The following FNBP1 variants were observed in gnomAD, a reference collection of about 807,000 sequenced individuals.
FNBP1 encodes the protein formin binding protein 1.
A neutral mutation model predicts 90.6 loss-of-function variants in FNBP1; 26 were observed. That is an observed-to-expected ratio of 0.29 (90% CI 0.21 to 0.40). The LOEUF is 0.40. Among genes scored for constraint, FNBP1 ranks in the 10% least tolerant of loss-of-function variants. The probability of loss-of-function intolerance (pLI) is 1.00; values close to 1 mark genes in which losing one functional copy is unlikely to be tolerated. For missense variants in FNBP1, 635 were observed against 768.0 expected, an observed-to-expected ratio of 0.83 and a Z score of 2.05; for synonymous variants, 260 against 265.2, an observed-to-expected ratio of 0.98 and a Z score of 0.19.
chr9:130,016,632 A>T (rs1014340415), intron 1 of FNBP1, among the ~76,000 whole-genome samples: 7 of 152,084 alleles, frequency 4.6e-5, no homozygotes, highest in African/African-American at 1.7e-4. Context: ...AATTAGAGCT[A>T]CTCAGGAGGC....
At chr9:129,933,241 A>G (rs866595277) in intron 6 of FNBP1, among the ~76,000 whole-genome samples, 4 of 152,158 alleles carry the variant, frequency 2.6e-5, no homozygotes, top group Admixed American at 6.5e-5. Flanking sequence ...ACACATACAC[A>G]CACACACAAC....
chr9:130,012,339 T>TG (rs2056718121), intron 1 of FNBP1, among the ~76,000 whole-genome samples: 1 of 152,178 alleles, frequency 6.6e-6, no homozygotes, highest in Non-Finnish European at 1.5e-5. Flanking sequence ...ATGCTTAGCA[T>TG]ATGCCTGGCA....
chr9:129,953,589 T>C (rs990538921), intron 6 of FNBP1, among the ~76,000 whole-genome samples: 7 of 152,068 alleles, frequency 4.6e-5, no homozygotes, highest in South Asian at 2.1e-4. Context: ...AAATTGATCA[T>C]AGGTGAGAGA....
intron 12 of FNBP1, 25 bp from the exon 13 acceptor site, chr9:129,903,026 C>T: frequency 6.4e-7 from 1 of 1,551,192 alleles, no homozygotes; most frequent in Non-Finnish European, 8.7e-7. Flanking sequence ...GAGTAGAATG[C>T]TGTAAAGGTT....
chr9:129,922,259 A>C (rs1368875874), intron 10 of FNBP1, among the ~76,000 whole-genome samples: 1 of 152,250 alleles, frequency 6.6e-6, no homozygotes, highest in Admixed American at 6.5e-5. Context: ...CTTTCTCTGT[A>C]AACGAAACTG....
rs756342214 is a variant in FNBP1 at position 129,914,757 on chromosome 9, C to CTATATATATA, written c.1185+1199_1185+1208dup. ...AAATTATGTATATACATACATATGTCTATATATATATATATATATATATAT... is the reference window on the plus strand; with the variant it reads ...AAATTATGTATATACATACATATGTCTATATATATATATATATATATATATATATATATAT... On this transcript the variant is annotated intron_variant, in intron 11 of 16. Transcript: ENST00000446176. 9.4e-4 allele frequency among the ~76,000 whole-genome samples: 103 copies of CTATATATATA among 109,950 alleles called. 1 individual carries two copies. The highest frequency in any genetic ancestry group is 5.1e-3 in the South Asian group (18 of 3,526). The allele number at this position is 109,950 out of a possible 152,430, so 72.1% of individuals were successfully genotyped here.
chr9:130,025,621 G>C (rs1239270805), intron 1 of FNBP1, among the ~76,000 whole-genome samples: 1 of 152,116 alleles, frequency 6.6e-6, no homozygotes, highest in Non-Finnish European at 1.5e-5. Flanking sequence ...TCTCGACATG[G>C]AATTCAAGAT....
intron 1 of FNBP1, among the ~76,000 whole-genome samples, chr9:130,019,555 A>T (rs2057600938): frequency 6.6e-6 from 1 of 152,210 alleles, no homozygotes; most frequent in African/African-American, 2.4e-5. Flanking sequence ...AAAGCAGATC[A>T]TCATGACTGC....
chr9:129,977,704 C>T (rs1397803444), intron 4 of FNBP1, among the ~76,000 whole-genome samples: 1 of 149,966 alleles, frequency 6.7e-6, no homozygotes, highest in Non-Finnish European at 1.5e-5. Flanking sequence ...GTTGACCAGC[C>T]TGATCGCGAA....
At position 129,900,243 on chromosome 9, in the gene FNBP1, C is replaced by G. The variant is rs2036648929; in HGVS notation, c.1551-142G>C. ...TGAGGCCATGGTAAATCATCGCACG[C>G]TCAGATCACCCATCCCATGTGGAAT... On this transcript the variant is annotated intron_variant, in intron 14 of 16. Coordinates refer to ENST00000446176, the MANE Select transcript of FNBP1 (RefSeq NM_015033.3). This position sits in a 1 kb window ranked among gnomAD's most constrained non-coding sequence, Gnocchi z 4.1. 3 of 1,130,332 alleles carry G rather than the reference C, an allele frequency of 2.7e-6. No individual in the cohort carries two copies. In the South Asian group the frequency reaches 5.4e-5, roughly 20 times the overall value. 70.0% of individuals were successfully genotyped at this position (1,130,332 alleles called of 1,614,324 possible).
intron 4 of FNBP1, among the ~76,000 whole-genome samples, chr9:129,975,943 G>C (rs2050245767): frequency 6.9e-6 from 1 of 145,618 alleles, no homozygotes; most frequent in South Asian, 2.2e-4. Flanking sequence ...ACAAAGCATT[G>C]ACAAAAGAAA....
At chr9:129,981,629 G>A (rs1187811543) in intron 2 of FNBP1, among the ~76,000 whole-genome samples, 4 of 151,904 alleles carry the variant, frequency 2.6e-5, no homozygotes, top group South Asian at 4.1e-4. Context: ...ACTAGATGAC[G>A]GGAGAGGCCA....
At chr9:129,989,041 A>G (rs899778220) in intron 2 of FNBP1, among the ~76,000 whole-genome samples, 4 of 152,110 alleles carry the variant, frequency 2.6e-5, no homozygotes, top group African/African-American at 9.7e-5. Flanking sequence ...TTCCTTCTAC[A>G]TGTTCCCGTC....
intron 4 of FNBP1, among the ~76,000 whole-genome samples, chr9:129,974,336 C>G (rs576818399): frequency 6.6e-6 from 1 of 152,090 alleles, no homozygotes; most frequent in East Asian, 1.9e-4. Flanking sequence ...GGGTCCATAT[C>G]TTGGGTAAAA....
chr9:129,929,409 C>CA (rs11290487), intron 7 of FNBP1, among the ~76,000 whole-genome samples, 158 bp downstream of exon 7: 26 of 61,188 alleles, frequency 4.2e-4, no homozygotes, highest in Non-Finnish European at 4.9e-4. Flanking sequence ...GACTCTGTCT[C>CA]AAAAAAAAAA....
intron 1 of FNBP1, among the ~76,000 whole-genome samples, chr9:130,010,391 T>G (rs989278021): frequency 6.6e-6 from 1 of 152,192 alleles, no homozygotes; most frequent in African/African-American, 2.4e-5. Context: ...AAACACGTAC[T>G]GAGAAAGGTT....
intron 6 of FNBP1, among the ~76,000 whole-genome samples, chr9:129,945,390 AT>A (rs1175867280): frequency 2.6e-5 from 4 of 152,212 alleles, no homozygotes; most frequent in African/African-American, 4.8e-5. Flanking sequence ...TTAAAAAAAA[AT>A]GTTCTCTAAA....
intron 1 of FNBP1, among the ~76,000 whole-genome samples, chr9:130,024,079 T>G (rs1237238456): frequency 6.6e-6 from 1 of 151,954 alleles, no homozygotes; most frequent in East Asian, 1.9e-4. Context: ...GTGAGCTGGG[T>G]GGGGTCCATA....
At chr9:129,905,274 TTGTGTG>T (rs71497500) in intron 12 of FNBP1, among the ~76,000 whole-genome samples, 3 of 123,472 alleles carry the variant, frequency 2.4e-5, no homozygotes, top group Non-Finnish European at 5.1e-5. Context: ...ATCTGTTGAA[TTGTGTG>T]TGTGTGTGTG....
Sources: allele counts gnomAD v4.1 joint callset (sites outside exome capture counted in the v4.1 genomes callset), GRCh38; gene constraint gnomAD v4.1.1; non-coding constraint Gnocchi (gnomAD v3.1); transcripts MANE v1.5; gene names NCBI Gene and HGNC (gene_info 2026-07-23, HGNC 2026-07-21).